SIRPA: variants seen among roughly 807,000 people sequenced by gnomAD.
The protein encoded by SIRPA is tyrosine-protein phosphatase non-receptor type substrate 1.
Under a neutral mutation model 50.3 loss-of-function variants are expected in SIRPA, and 9 were observed. The ratio of observed to expected loss-of-function variants is 0.18; its 90% CI spans 0.11 to 0.31. The LOEUF is 0.31. SIRPA is among the 10% of genes least tolerant of loss of function. The pLI is 1.00. For missense variants in SIRPA, 474 were observed against 661.6 expected (o/e 0.72, Z 3.11); for synonymous variants, 265 against 284.1 (o/e 0.93, Z 0.68).
Position 1,936,176 on chromosome 20 carries a change from A to G in SIRPA, c.1267-1144A>G, listed in dbSNP as rs1032557646. 1.3e-5 allele frequency among the ~76,000 whole-genome samples: 2 copies of G among 152,128 alleles called. No individual in the cohort carries two copies. The highest frequency in any genetic ancestry group is 2.9e-5 in the Non-Finnish European group (2 of 68,020). The stretch of plus-strand genomic sequence containing the variant: ...AGGTGTGCCGGTTGGTGGTAGCTTT[A>G]TTCTGTTCTATCACGCAGGGGCCAG... On this transcript the variant is annotated intron_variant, in intron 7 of 7. Transcript: ENST00000358771. The surrounding 1 kb of genome is among the most constrained non-coding windows in gnomAD (Gnocchi z 4.2).
intron 1 of SIRPA, among the ~76,000 whole-genome samples, chr20:1,905,342 A>G (rs1984481094): frequency 1.3e-5 from 2 of 152,226 alleles, no homozygotes. Context: ...GGGTGGCTCC[A>G]GCCTCCAGTG....
intron 1 of SIRPA, among the ~76,000 whole-genome samples, chr20:1,913,687 C>G (rs1985040502): frequency 6.6e-6 from 1 of 152,244 alleles, no homozygotes; most frequent in South Asian, 2.1e-4. Context: ...CACTCTGCGT[C>G]TGTCTCTCAG....
chr20:1,922,283 G>A lies in SIRPA; in HGVS notation c.755-30G>A, dbSNP rs759893171. 3.1e-6 allele frequency: 5 copies of A among 1,612,608 alleles called. No individual in the cohort carries two copies. The South Asian group carries it at 5.5e-5, about 18-fold the overall frequency. On this transcript the variant is annotated intron_variant, in intron 3 of 7. Transcript: ENST00000358771. ...TCCCTGTGATCTGTCTGTGCCACAA[G>A]GTCAGAGCTTCTGCCCTGTGCTGTT...
chr20:1,910,039 G>C (rs549273488), intron 1 of SIRPA, among the ~76,000 whole-genome samples: 3 of 152,260 alleles, frequency 2.0e-5, no homozygotes, highest in Non-Finnish European at 4.4e-5. Flanking sequence ...GGAAGGGGCC[G>C]GGAGATGGGA....
rs373827241 is a variant in SIRPA, at chr20:1,933,767, C to T, written c.1227-948C>T. 9.2e-5 allele frequency among the ~76,000 whole-genome samples: 14 copies of T among 152,286 alleles called. No homozygotes were observed. The highest frequency in any genetic ancestry group is 2.1e-4 in the South Asian group (1 of 4,822). ...TCCATGCTAACATCCCCGGGGTTGCCGGCTTGAGAATTTACACAACTTCTG... is the reference window on the plus strand; with the variant it reads ...TCCATGCTAACATCCCCGGGGTTGCTGGCTTGAGAATTTACACAACTTCTG... On this transcript the variant is annotated intron_variant, in intron 6 of 7. Coordinates refer to ENST00000358771, the MANE Select transcript of SIRPA (RefSeq NM_001040023.2). This position sits in a 1 kb window ranked among gnomAD's most constrained non-coding sequence, Gnocchi z 4.4.
In SIRPA at chr20:1,933,997, GA is replaced by G. The variant is rs1304971374; in HGVS notation, c.1227-710del. Among the ~76,000 whole-genome samples the G allele has an allele frequency of 6.6e-6, 1 of 151,850 alleles. No homozygotes were observed. Among genetic ancestry groups the G allele is most frequent in the South Asian group, 2.1e-4 (1 of 4,824 alleles). On this transcript the variant is annotated intron_variant, in intron 6 of 7. Transcript: ENST00000358771. The surrounding 1 kb of genome is among the most constrained non-coding windows in gnomAD (Gnocchi z 4.4). ...GGAGAATATGGGAAACTAAAAAGGA[GA>G]AAAAAAATACCATGCAAAGACCACT...
chr20:1,906,053 A>G (rs1380464315), intron 1 of SIRPA, among the ~76,000 whole-genome samples: 1 of 152,220 alleles, frequency 6.6e-6, no homozygotes, highest in Non-Finnish European at 1.5e-5. Flanking sequence ...ACCCATCTGC[A>G]TGGTGACAGC....
chr20:1,900,591 T>C (rs1410035116), intron 1 of SIRPA, among the ~76,000 whole-genome samples: 1 of 152,206 alleles, frequency 6.6e-6, no homozygotes, highest in Non-Finnish European at 1.5e-5. Context: ...CCCTCTGTGC[T>C]TTCATCCAGT....
rs1986347883 is a variant in SIRPA at position 1,932,471 on chromosome 20, G to GCAGAGGAGGC, written c.1227-2235_1227-2226dup. ...GAGCAGTCAGATGCATGCACAGAACGCAGAGGAGGCCAGAGGAGCTGGAGC... is the reference window on the plus strand; with the variant it reads ...GAGCAGTCAGATGCATGCACAGAACGCAGAGGAGGCCAGAGGAGGCCAGAGGAGCTGGAGC... On this transcript the variant is annotated intron_variant, in intron 6 of 7. Coordinates refer to ENST00000358771, the MANE Select transcript of SIRPA (RefSeq NM_001040023.2). The surrounding 1 kb of genome is among the most constrained non-coding windows in gnomAD (Gnocchi z 6.0). Among the ~76,000 whole-genome samples, 2 of 152,314 alleles carry GCAGAGGAGGC rather than the reference G, an allele frequency of 1.3e-5. No individual in the cohort carries two copies. The highest frequency in any genetic ancestry group is 4.1e-4 in the South Asian group (2 of 4,828).
intron 5 of SIRPA, among the ~76,000 whole-genome samples, chr20:1,926,235 A>G (rs1985969076): frequency 6.6e-6 from 1 of 152,208 alleles, no homozygotes; most frequent in Non-Finnish European, 1.5e-5. Flanking sequence ...TCCCACCAAG[A>G]CGTCTACCCA....
chr20:1,905,479 G>A (rs1984490954), intron 1 of SIRPA, among the ~76,000 whole-genome samples: 1 of 152,198 alleles, frequency 6.6e-6, no homozygotes, highest in African/African-American at 2.4e-5. Flanking sequence ...GAAGGCTTCT[G>A]GTTATCTGGC....
chr20:1,921,752 C>T, intron 3 of SIRPA, 40 bp downstream of exon 3: 1 of 1,613,464 alleles, frequency 6.2e-7, no homozygotes, highest in Non-Finnish European at 8.5e-7. Flanking sequence ...CACCTGACCG[C>T]CAAGCCCACC....
rs562903403 is a variant in SIRPA, at chr20:1,901,574, A to G, written c.79+6048A>G. ...ACTAGAGAAGGAAGCATCTATTTTC[A>G]CAGCTGAAACTGCTTTCCTGTTAAC... On this transcript the variant is annotated intron_variant, in intron 1 of 7. Coordinates refer to ENST00000358771, the MANE Select transcript of SIRPA (RefSeq NM_001040023.2). Among the ~76,000 whole-genome samples, 5 of 152,144 alleles carry G rather than the reference A, an allele frequency of 3.3e-5. No individual in the cohort carries two copies. In the South Asian group the frequency reaches 1.0e-3, roughly 32 times the overall value.
chr20:1,934,615 A>G lies in SIRPA; in HGVS notation c.1227-100A>G. On this transcript the variant is annotated intron_variant, in intron 6 of 7. Transcript: ENST00000358771. The surrounding 1 kb of genome is among the most constrained non-coding windows in gnomAD (Gnocchi z 4.6). ...TATGAGTCCTTCGTTCATGTCCTCA[A>G]CCCATATAGAAAATGGAGCCTAAAT... is the stretch of plus-strand genomic sequence containing the variant. The G allele has an allele frequency of 8.8e-7, 1 of 1,141,566 alleles. No individual in the cohort carries two copies. The highest frequency in any genetic ancestry group is 2.4e-5 in the East Asian group (1 of 42,524). 70.7% of individuals were successfully genotyped at this position (1,141,566 alleles called of 1,614,324 possible).
chr20:1,902,712 A>G (rs1482609118), intron 1 of SIRPA, among the ~76,000 whole-genome samples: 1 of 152,090 alleles, frequency 6.6e-6, no homozygotes, highest in Non-Finnish European at 1.5e-5. Context: ...CAGAGGCCTC[A>G]AGAAAATGTA....
At chr20:1,895,123 C>G (rs996855082), upstream of SIRPA, among the ~76,000 whole-genome samples, 14 of 151,776 alleles carry the variant, frequency 9.2e-5, no homozygotes, top group African/African-American at 3.4e-4. Flanking sequence ...TCTCGCCTCT[C>G]CGTGTCTCTG....
At chr20:1,910,662 A>G (rs1053607196) in intron 1 of SIRPA, among the ~76,000 whole-genome samples, 1 of 152,344 alleles carries the variant, frequency 6.6e-6, no homozygotes, top group East Asian at 1.9e-4. Flanking sequence ...ATACGGTAAC[A>G]TACATCATTA....
chr20:1,912,103 G>A (rs1473474974), intron 1 of SIRPA, among the ~76,000 whole-genome samples: 1 of 152,162 alleles, frequency 6.6e-6, no homozygotes, highest in Admixed American at 6.5e-5. Context: ...AGTCGGTGGA[G>A]AGAGCTCGAG....
chr20:1,900,201 A>T (rs952331609), intron 1 of SIRPA, among the ~76,000 whole-genome samples: 11 of 151,368 alleles, frequency 7.3e-5, no homozygotes, highest in Non-Finnish European at 1.2e-4. Context: ...CCTGGGTTCA[A>T]GCGATTCTCC....
Sources: gnomAD v4.1 joint callset for allele counts (sites outside exome capture counted in the v4.1 genomes callset) on GRCh38, gnomAD v4.1.1 for gene constraint, Gnocchi (gnomAD v3.1) non-coding constraint, MANE v1.5 for transcripts, NCBI Gene and HGNC (gene_info 2026-07-23, HGNC 2026-07-21) for gene names.